DCDC2C: variants seen among roughly 807,000 people sequenced by gnomAD.
DCDC2C encodes the protein doublecortin domain containing 2C.
DCDC2C carries 44 observed loss-of-function variants against 45.0 expected under a neutral mutation model. The observed-to-expected ratio is 0.98, with a 90% CI of 0.77 to 1.26. DCDC2C has a LOEUF of 1.26. DCDC2C is among the 50% of genes most tolerant of loss of function. The pLI is 0.00. For missense variants in DCDC2C, 447 were observed against 468.9 expected, an observed-to-expected ratio of 0.95 and a Z score of 0.43; for synonymous variants, 187 against 178.8, an observed-to-expected ratio of 1.05 and a Z score of -0.37.
intron 10 of DCDC2C, among the ~76,000 whole-genome samples, chr2:3,819,911 G>T (rs983962372): frequency 6.6e-6 from 1 of 152,168 alleles, no homozygotes; most frequent in Non-Finnish European, 1.5e-5. Flanking sequence ...ATTATAGGGT[G>T]GGGGAGCAGA....
intron 2 of DCDC2C, among the ~76,000 whole-genome samples, chr2:3,718,303 G>A (rs1668399510): frequency 6.6e-6 from 1 of 152,144 alleles, no homozygotes; most frequent in Admixed American, 6.5e-5. Flanking sequence ...TTCTGAGTGG[G>A]GCTGACCAGG....
chr2:3,736,454 C>G (rs921461798), intron 3 of DCDC2C, among the ~76,000 whole-genome samples: 1 of 152,126 alleles, frequency 6.6e-6, no homozygotes, highest in Non-Finnish European at 1.5e-5. Context: ...GGTGGAGTCC[C>G]CTTCAGGTTG....
At chr2:3,732,692 C>T (rs140104224) in intron 3 of DCDC2C, among the ~76,000 whole-genome samples, 205 of 152,208 alleles carry the variant, frequency 1.3e-3, no homozygotes, top group African/African-American at 4.7e-3. Context: ...CTGAGGATGT[C>T]AGACTGTGTT....
At chr2:3,827,601 T>C (rs936323801) in intron 10 of DCDC2C, among the ~76,000 whole-genome samples, 1 of 152,182 alleles carries the variant, frequency 6.6e-6, no homozygotes. Context: ...GTTTTGAATG[T>C]TGGGGAAATA....
intron 3 of DCDC2C, among the ~76,000 whole-genome samples, chr2:3,737,767 G>A (rs1449509006): frequency 6.6e-6 from 1 of 152,194 alleles, no homozygotes; most frequent in African/African-American, 2.4e-5. Context: ...GGAAATGGCA[G>A]CTGTCATCGC....
intron 6 of DCDC2C, among the ~76,000 whole-genome samples, chr2:3,766,310 G>GCACACACACACA: frequency 6.8e-6 from 1 of 146,154 alleles, no homozygotes; most frequent in South Asian, 2.2e-4. Context: ...ACACACACAC[G>GCACACACACACA]CACACACACA....
intron 10 of DCDC2C, among the ~76,000 whole-genome samples, chr2:3,840,738 T>G (rs2148245816): frequency 6.6e-6 from 1 of 152,344 alleles, no homozygotes; most frequent in African/African-American, 2.4e-5. Flanking sequence ...GTGGTTCTGT[T>G]TCCTGGTAAG....
At chr2:3,756,250 A>T (rs991677634) in intron 6 of DCDC2C, among the ~76,000 whole-genome samples, 1 of 152,156 alleles carries the variant, frequency 6.6e-6, no homozygotes, top group Non-Finnish European at 1.5e-5. Flanking sequence ...ATCCCTGATC[A>T]TCCTACAAAT....
intron 3 of DCDC2C, among the ~76,000 whole-genome samples, chr2:3,728,017 CT>C (rs1668745085): frequency 6.6e-6 from 1 of 152,188 alleles, no homozygotes; most frequent in Non-Finnish European, 1.5e-5. Context: ...TTACCATGTT[CT>C]AGTCTAAATG....
intron 2 of DCDC2C, among the ~76,000 whole-genome samples, chr2:3,721,323 GTTCAGCAGAGC>G (rs1332051899): frequency 2.0e-5 from 3 of 152,036 alleles, no homozygotes; most frequent in African/African-American, 7.2e-5. Flanking sequence ...CTGCAGGGTT[GTTCAGCAGAGC>G]CTTTTCTGTG....
Position 3,703,850 on chromosome 2 carries a change from C to G in DCDC2C, c.99C>G (p.Phe33Leu), listed in dbSNP as rs1667945508. 7.8e-7 allele frequency: 1 copy of G among 1,282,008 alleles called. No individual in the cohort carries two copies. The highest frequency in any genetic ancestry group is 9.9e-7 in the Non-Finnish European group (1 of 1,009,956). 79.4% of individuals were successfully genotyped at this position (1,282,008 alleles called of 1,614,324 possible). The change falls in exon 1 of 11, where the codon TTC (phenylalanine) becomes TTG (leucine). Residue 33 changes from phenylalanine to leucine, a missense_variant. Transcript: ENST00000399143. The surrounding 1 kb of genome is among the most constrained non-coding windows in gnomAD (Gnocchi z 4.4). ...ACCCGTTCTACGTGGGCAAGAAGTT[C>G]GTGCTGTCGCGGCGCCGCGCGGCCA... The part of the protein sequence containing the change: ...NGDPFYVGKK[F>L]VLSRRRAATF...
intron 3 of DCDC2C, among the ~76,000 whole-genome samples, chr2:3,730,930 A>C (rs1338722117): frequency 6.6e-6 from 1 of 152,166 alleles, no homozygotes; most frequent in Non-Finnish European, 1.5e-5. Flanking sequence ...TCTCTTGACA[A>C]ATTTCCTCTC....
chr2:3,745,788 G>A (rs977996163), intron 4 of DCDC2C, among the ~76,000 whole-genome samples: 1 of 152,000 alleles, frequency 6.6e-6, no homozygotes, highest in African/African-American at 2.4e-5. Flanking sequence ...ACAGCTCACT[G>A]AGCCTTGACC....
At chr2:3,757,421 C>A (rs1411502283) in intron 6 of DCDC2C, among the ~76,000 whole-genome samples, 2 of 152,132 alleles carry the variant, frequency 1.3e-5, no homozygotes, top group African/African-American at 4.8e-5. Flanking sequence ...TATCAGCTTT[C>A]TTTAAAATCA....
intron 2 of DCDC2C, among the ~76,000 whole-genome samples, chr2:3,711,477 G>A (rs1433040022): frequency 6.6e-6 from 1 of 152,004 alleles, no homozygotes; most frequent in Non-Finnish European, 1.5e-5. Flanking sequence ...AAAAGAATAA[G>A]ACCATATTCT....
chr2:3,798,384 T>C (rs1374643920), intron 10 of DCDC2C, among the ~76,000 whole-genome samples: 2 of 142,922 alleles, frequency 1.4e-5, no homozygotes, highest in Non-Finnish European at 3.1e-5. Context: ...AAAGTTAATA[T>C]TGTTATGTGT....
intron 3 of DCDC2C, among the ~76,000 whole-genome samples, chr2:3,733,814 G>C (rs537242583): frequency 6.6e-6 from 1 of 152,126 alleles, no homozygotes; most frequent in Non-Finnish European, 1.5e-5. Flanking sequence ...CATGAACTGG[G>C]GGGTGAGGGG....
intron 8 of DCDC2C, among the ~76,000 whole-genome samples, chr2:3,775,071 T>A (rs1230759607): frequency 6.7e-6 from 1 of 149,180 alleles, no homozygotes; most frequent in Non-Finnish European, 1.5e-5. Flanking sequence ...GGCTGGATGT[T>A]TTTTTTTTTT....
At chr2:3,811,715 T>C (rs1572634777) in intron 10 of DCDC2C, among the ~76,000 whole-genome samples, 1 of 152,194 alleles carries the variant, frequency 6.6e-6, no homozygotes, top group African/African-American at 2.4e-5. Flanking sequence ...TGGCTGTGGG[T>C]TTGTCATAAA....
Sources: allele counts gnomAD v4.1 joint callset (sites outside exome capture counted in the v4.1 genomes callset), GRCh38; gene constraint gnomAD v4.1.1; non-coding constraint Gnocchi (gnomAD v3.1); transcripts MANE v1.5; gene names NCBI Gene and HGNC (gene_info 2026-07-23, HGNC 2026-07-21).